PRKAA2: variants seen among roughly 807,000 people sequenced by gnomAD.
PRKAA2 encodes the protein 5'-AMP-activated protein kinase catalytic subunit alpha-2.
Under a neutral mutation model 56.3 loss-of-function variants are expected in PRKAA2, and 40 were observed. That is an observed-to-expected ratio of 0.71 (90% CI 0.55 to 0.92). The LOEUF (loss-of-function observed/expected upper bound fraction) is 0.92. Among genes scored for constraint, PRKAA2 ranks in the 40% least tolerant of loss-of-function variants. The pLI, the probability that PRKAA2 is intolerant of heterozygous loss-of-function variation, is 0.00. For synonymous variants in PRKAA2, 214 were observed against 234.2 expected (o/e 0.91, Z 0.79); for missense variants, 542 against 686.9 (o/e 0.79, Z 2.36).
intron 1 of PRKAA2, among the ~76,000 whole-genome samples, chr1:56,660,705 G>A (rs1477334204): frequency 6.6e-6 from 1 of 152,168 alleles, no homozygotes; most frequent in Non-Finnish European, 1.5e-5. Context: ...GGGCGTTAGA[G>A]GCAGATACAC....
At chr1:56,657,762 A>G (rs1325392319) in intron 1 of PRKAA2, among the ~76,000 whole-genome samples, 1 of 152,198 alleles carries the variant, frequency 6.6e-6, no homozygotes, top group African/African-American at 2.4e-5. Context: ...GAAAGAAGGA[A>G]GGAAGGCAAA....
chr1:56,706,002 C>A, intron 7 of PRKAA2, 90 bp from the exon 8 acceptor site: 1 of 1,122,486 alleles, frequency 8.9e-7, no homozygotes. Context: ...CCTTTCCTAC[C>A]TCACCCCTAT....
At position 56,692,502 on chromosome 1, in the gene PRKAA2, G is replaced by C. The variant is rs902215574; in HGVS notation, c.475G>C (p.Gly159Arg). 2.5e-6 allele frequency: 4 copies of C among 1,613,396 alleles called. No individual in the cohort carries two copies. Among genetic ancestry groups the C allele is most frequent in the African/African-American group, 2.7e-5 (2 of 74,824 alleles). Residue 159 changes from glycine to arginine, a missense_variant and splice_region_variant, in exon 4 of 9, where the codon GGA becomes CGA. By Grantham distance (125) the Gly-to-Arg change is moderately radical. Around this residue, in one of 5 missense-constraint regions of PRKAA2, gnomAD observed 121 missense variants for 210.0 expected, o/e 0.58. Transcript: ENST00000371244. ...AHMNAKIADF[G>R]LSNMMSDGEF... ...CATGAATGCCAAGATAGCCGATTTC[G>C]GTATGTAACTCCAGGGTTGTTCAGA...
intron 2 of PRKAA2, among the ~76,000 whole-genome samples, chr1:56,686,794 A>G (rs148461359): frequency 6.6e-6 from 1 of 152,272 alleles, no homozygotes; most frequent in African/African-American, 2.4e-5. Context: ...TCACATTTCA[A>G]CATGAGATTT....
At chr1:56,652,552 T>C (rs563321148) in intron 1 of PRKAA2, among the ~76,000 whole-genome samples, 1 of 152,356 alleles carries the variant, frequency 6.6e-6, no homozygotes, top group African/African-American at 2.4e-5. Context: ...GTATTAGCTC[T>C]GGAATTAATT....
At position 56,704,153 on chromosome 1, in the gene PRKAA2, A is replaced by G. The variant is rs1216813279; in HGVS notation, c.971A>G (p.Tyr324Cys). 1.9e-6 allele frequency: 3 copies of G among 1,614,198 alleles called. No homozygotes were observed. In the South Asian group the frequency reaches 3.3e-5, roughly 18 times the overall value. The part of the protein sequence containing the change: ...GDPQDQLAVA[Y>C]HLIIDNRRIM... ...CCTCAAGACCAGCTTGCAGTGGCTT[A>G]TCATCTTATCATTGACAATCGGAGA... The change falls in exon 7 of 9, where the codon TAT becomes TGT. Residue 324 changes from tyrosine to cysteine, a missense_variant. Tyr to Cys is a radical substitution (Grantham distance 194). Around this residue, in one of 5 missense-constraint regions of PRKAA2, gnomAD observed 198 missense variants for 234.0 expected, o/e 0.85. Transcript: ENST00000371244.
intron 2 of PRKAA2, among the ~76,000 whole-genome samples, chr1:56,679,444 T>C (rs2092594): frequency 0.45 from 67,698 of 152,014 alleles, 15,637 homozygotes; most frequent in East Asian, 0.59. Flanking sequence ...TTGGAGGGTG[T>C]GGTGGGAGAG....
intron 1 of PRKAA2, among the ~76,000 whole-genome samples, chr1:56,671,772 C>G (rs1644078704): frequency 6.6e-6 from 1 of 152,180 alleles, no homozygotes; most frequent in Non-Finnish European, 1.5e-5. Flanking sequence ...TATGCCATCA[C>G]TTACTGTGTG....
intron 2 of PRKAA2, among the ~76,000 whole-genome samples, chr1:56,686,290 A>G (rs1054684892): frequency 2.6e-5 from 4 of 152,228 alleles, no homozygotes. Flanking sequence ...AGCATTGCCA[A>G]ACTTTCTTTG....
chr1:56,650,637 T>C (rs1646679484), intron 1 of PRKAA2, among the ~76,000 whole-genome samples: 1 of 152,218 alleles, frequency 6.6e-6, no homozygotes, highest in Non-Finnish European at 1.5e-5. Flanking sequence ...TGGTTTATGA[T>C]TTAAACAAAT....
chr1:56,688,627 C>G (rs1292293208), intron 2 of PRKAA2, among the ~76,000 whole-genome samples: 13 of 152,124 alleles, frequency 8.5e-5, no homozygotes, highest in Admixed American at 7.2e-4. Flanking sequence ...GGAGGAGGTA[C>G]AGCATGACTA....
At chr1:56,695,587 A>G (rs969002606) in intron 5 of PRKAA2, among the ~76,000 whole-genome samples, 5 of 152,172 alleles carry the variant, frequency 3.3e-5, no homozygotes, top group Admixed American at 6.5e-5. Flanking sequence ...TGGGAAAAAG[A>G]TTTAACCTAT....
chr1:56,663,855 T>A (rs1231727736), intron 1 of PRKAA2, among the ~76,000 whole-genome samples: 2 of 152,180 alleles, frequency 1.3e-5, no homozygotes, highest in Non-Finnish European at 2.9e-5. Flanking sequence ...ATCCCAGCAC[T>A]TTAAGAGGCA....
chr1:56,672,339 A>G (rs560306068), intron 1 of PRKAA2, among the ~76,000 whole-genome samples: 24 of 152,092 alleles, frequency 1.6e-4, no homozygotes, highest in African/African-American at 5.3e-4. Context: ...CTGGTCTCGA[A>G]CTCCTGGGCT....
At chr1:56,697,474 CA>C (rs1644266330) in intron 6 of PRKAA2, among the ~76,000 whole-genome samples, 1 of 152,076 alleles carries the variant, frequency 6.6e-6, no homozygotes, top group South Asian at 2.1e-4. Context: ...AGCCTTTCTT[CA>C]GTGTTCCAAA....
Position 56,697,012 on chromosome 1 carries a change from A to ATTTTTTTTTTTTT in PRKAA2, c.788+856_788+868dup, listed in dbSNP as rs752842791. ...CCTTTTCATCATTAGCCAGCAAAGA[A>ATTTTTTTTTTTTT]TTTTTTTTTTTTTTTAAGGCAGGGT... On this transcript the variant is annotated intron_variant, in intron 6 of 8. Coordinates refer to ENST00000371244, the MANE Select transcript of PRKAA2 (RefSeq NM_006252.4). Among the ~76,000 whole-genome samples, 140 of 57,878 alleles carry ATTTTTTTTTTTTT rather than the reference A, an allele frequency of 2.4e-3. 33 individuals are homozygous for ATTTTTTTTTTTTT. Among genetic ancestry groups the ATTTTTTTTTTTTT allele is most frequent in the African/African-American group, 5.5e-3 (81 of 14,826 alleles). 38.0% of individuals were successfully genotyped at this position (57,878 alleles called of 152,430 possible). A position where few individuals can be genotyped will look rare whatever the true frequency, so the allele number is the denominator to read the frequency against.
intron 1 of PRKAA2, among the ~76,000 whole-genome samples, chr1:56,658,497 A>G (rs553845551): frequency 6.6e-6 from 1 of 152,240 alleles, no homozygotes; most frequent in South Asian, 2.1e-4. Context: ...TACATTCTCC[A>G]ACGGTGTTAA....
chr1:56,702,041 C>T (rs1429377236), intron 6 of PRKAA2, among the ~76,000 whole-genome samples: 2 of 151,812 alleles, frequency 1.3e-5, no homozygotes, highest in African/African-American at 4.8e-5. Flanking sequence ...GTATTTCTTA[C>T]TTGGACTATT....
chr1:56,685,053 G>A (rs575022548), intron 2 of PRKAA2, among the ~76,000 whole-genome samples: 228 of 152,282 alleles, frequency 1.5e-3, no homozygotes, highest in African/African-American at 5.3e-3. Context: ...ACCATGGAGT[G>A]GTTGGCTGTG....
Sources: allele counts gnomAD v4.1 joint callset (sites outside exome capture counted in the v4.1 genomes callset), GRCh38; gene constraint gnomAD v4.1.1; regional missense constraint gnomAD v4.1.1; transcripts MANE v1.5; gene names NCBI Gene and HGNC (gene_info 2026-07-23, HGNC 2026-07-21).